The following CSMD1 variants were observed in gnomAD, a reference collection of about 807,000 sequenced individuals.
The protein encoded by CSMD1 is CUB and sushi domain-containing protein 1.
In CSMD1, 213 loss-of-function variants were observed where a neutral mutation model predicts 417.5. The ratio of observed to expected loss-of-function variants is 0.51; its 90% CI spans 0.46 to 0.57. The LOEUF (loss-of-function observed/expected upper bound fraction) is 0.57, where lower values mean the gene tolerates loss of function less well. Ranked by LOEUF, CSMD1 falls within the 20% of genes least tolerant of loss-of-function variation. The pLI is 0.00. For synonymous variants in CSMD1, 2,862 were observed against 1,736.8 expected (o/e 1.65, Z -16.11); for missense variants, 6,923 against 4,529.7 (o/e 1.53, Z -15.17).
At chr8:4,049,188 T>A (rs1156661452) in intron 3 of CSMD1, among the ~76,000 whole-genome samples, 2 of 152,108 alleles carry the variant, frequency 1.3e-5, no homozygotes, top group Admixed American at 1.3e-4. Flanking sequence ...CTATCTTAGG[T>A]GTTGCGTCTT....
chr8:4,279,525 G>T (rs958079143), intron 3 of CSMD1, among the ~76,000 whole-genome samples: 1 of 152,118 alleles, frequency 6.6e-6, no homozygotes, highest in African/African-American at 2.4e-5. Flanking sequence ...AATACAGTGT[G>T]GTTAGTGCAA....
chr8:3,639,535 G>T (rs1797205250), intron 7 of CSMD1, among the ~76,000 whole-genome samples: 2 of 152,148 alleles, frequency 1.3e-5, no homozygotes, highest in Non-Finnish European at 2.9e-5. Flanking sequence ...ATAATAGGAT[G>T]GATCAGAAGA....
chr8:4,673,553 T>C (rs549476066), intron 1 of CSMD1, among the ~76,000 whole-genome samples: 37 of 152,152 alleles, frequency 2.4e-4, no homozygotes, highest in Non-Finnish European at 5.0e-4. Context: ...CCCTTTAATA[T>C]CTAGCACCTA....
At chr8:4,180,225 C>T (rs935278930) in intron 3 of CSMD1, among the ~76,000 whole-genome samples, 5 of 152,022 alleles carry the variant, frequency 3.3e-5, no homozygotes, top group African/African-American at 1.2e-4. Flanking sequence ...GGCACATATA[C>T]ACCATGGTAT....
At chr8:4,044,921 T>C (rs555468435) in intron 3 of CSMD1, among the ~76,000 whole-genome samples, 1 of 142,346 alleles carries the variant, frequency 7.0e-6, no homozygotes, top group African/African-American at 2.6e-5. Context: ...AAGTTAAATT[T>C]AAAAAAATGT....
intron 1 of CSMD1, among the ~76,000 whole-genome samples, chr8:4,673,596 G>A (rs548513241): frequency 3.9e-5 from 6 of 152,124 alleles, no homozygotes; most frequent in African/African-American, 1.2e-4. Context: ...AAACTCTGGG[G>A]GCAATTCACA....
At chr8:3,908,026 G>A (rs1024036479) in intron 5 of CSMD1, among the ~76,000 whole-genome samples, 2 of 152,058 alleles carry the variant, frequency 1.3e-5, no homozygotes, top group South Asian at 2.1e-4. Flanking sequence ...CTACCAGGAG[G>A]ACTCCATAGG....
At chr8:4,082,891 T>C (rs958536310) in intron 3 of CSMD1, among the ~76,000 whole-genome samples, 4 of 151,664 alleles carry the variant, frequency 2.6e-5, no homozygotes, top group African/African-American at 9.7e-5. Flanking sequence ...TGTGATACTT[T>C]ACTGACAATG....
chr8:3,751,306 G>C (rs939178728), intron 6 of CSMD1, among the ~76,000 whole-genome samples: 2 of 144,650 alleles, frequency 1.4e-5, no homozygotes, highest in Admixed American at 1.4e-4. Flanking sequence ...TGAAGTGTGT[G>C]TGTGTGTGTG....
At chr8:2,994,444 G>A (rs577388429) in intron 54 of CSMD1, among the ~76,000 whole-genome samples, 17 of 152,218 alleles carry the variant, frequency 1.1e-4, no homozygotes, top group African/African-American at 3.1e-4. Context: ...GATGTCATGC[G>A]GACAACTCAG....
chr8:4,640,727 A>G lies in CSMD1; in HGVS notation c.86-3169T>C, dbSNP rs117991164. Among the ~76,000 whole-genome samples, 5 of 152,230 alleles carry G rather than the reference A, an allele frequency of 3.3e-5. No homozygotes were observed. In the East Asian group the frequency reaches 9.7e-4, roughly 30 times the overall value. ...ACCATATTTCAACATGTTGTTTAAC[A>G]TGAATCCCTTGTAAGTACCTTTGTA... On this transcript the variant is annotated intron_variant, in intron 1 of 69. Coordinates refer to ENST00000635120, the MANE Select transcript of CSMD1 (RefSeq NM_033225.6).
rs79210225 is a variant in CSMD1 at position 4,894,170 on chromosome 8, T to G, written c.85+100162A>C. ...ATTTTAACAGTGAACAGTTTTTATG[T>G]TATTAGCTCTTTCTATATGTCTTAT... is the stretch of plus-strand genomic sequence containing the variant. On this transcript the variant is annotated intron_variant, in intron 1 of 69. Transcript: ENST00000635120. Among the ~76,000 whole-genome samples, 78 of 152,230 alleles carry G rather than the reference T, an allele frequency of 5.1e-4. 1 individual carries two copies. In the East Asian group the frequency reaches 0.014, roughly 28 times the overall value.
chr8:3,050,536 A>G (rs1203647614), intron 50 of CSMD1, among the ~76,000 whole-genome samples: 1 of 152,222 alleles, frequency 6.6e-6, no homozygotes, highest in African/African-American at 2.4e-5. Flanking sequence ...TTAAGTTCCT[A>G]TTTTGAGAGA....
At chr8:3,699,837 C>G (rs1333187834) in intron 7 of CSMD1, among the ~76,000 whole-genome samples, 1 of 152,144 alleles carries the variant, frequency 6.6e-6, no homozygotes, top group African/African-American at 2.4e-5. Flanking sequence ...CCTCTTCCCA[C>G]ACGACACACC....
At chr8:3,239,596 T>C (rs1340327575) in intron 26 of CSMD1, among the ~76,000 whole-genome samples, 1 of 151,848 alleles carries the variant, frequency 6.6e-6, no homozygotes, top group Non-Finnish European at 1.5e-5. Flanking sequence ...CTCTGAGAAG[T>C]AGTAGAATAG....
intron 5 of CSMD1, among the ~76,000 whole-genome samples, chr8:3,802,833 G>T (rs1484477231): frequency 6.6e-6 from 1 of 152,040 alleles, no homozygotes; most frequent in African/African-American, 2.4e-5. Context: ...TCAAGTGAAG[G>T]GCACTTTTAA....
intron 1 of CSMD1, among the ~76,000 whole-genome samples, chr8:4,730,121 C>G (rs1186834830): frequency 6.6e-6 from 1 of 152,054 alleles, no homozygotes; most frequent in Non-Finnish European, 1.5e-5. Flanking sequence ...CACTTAGAAG[C>G]ATTGAGAAGT....
chr8:4,236,026 GTT>G (rs147378202), intron 3 of CSMD1, among the ~76,000 whole-genome samples: 68,017 of 108,288 alleles, frequency 0.63, 18,742 homozygotes, highest in East Asian at 0.69. Flanking sequence ...AATGGATATT[GTT>G]TTTTTTGTTT....
chr8:4,543,069 T>A (rs1472002511), intron 2 of CSMD1, among the ~76,000 whole-genome samples: 1 of 152,218 alleles, frequency 6.6e-6, no homozygotes, highest in South Asian at 2.1e-4. Flanking sequence ...ACCCCTCACA[T>A]GCCTCCCATA....
Sources: allele counts gnomAD v4.1 joint callset (sites outside exome capture counted in the v4.1 genomes callset), GRCh38; gene constraint gnomAD v4.1.1; transcripts MANE v1.5; gene names NCBI Gene and HGNC (gene_info 2026-07-23, HGNC 2026-07-21).